Variants in MYLK observed in about 807,000 individuals in gnomAD.
MYLK encodes myosin light chain kinase, smooth muscle.
MYLK carries 106 observed loss-of-function variants against 203.4 expected under a neutral mutation model. The observed-to-expected ratio is 0.52, with a 90% CI of 0.45 to 0.61. The LOEUF (loss-of-function observed/expected upper bound fraction) is 0.61, where lower values mean the gene tolerates loss of function less well. Among genes scored for constraint, MYLK ranks in the 20% least tolerant of loss-of-function variants. MYLK has a pLI of 0.00. For missense variants in MYLK, 2,072 were observed against 2,442.3 expected, an observed-to-expected ratio of 0.85 and a Z score of 3.20; for synonymous variants, 867 against 959.5, an observed-to-expected ratio of 0.90 and a Z score of 1.78.
At chr3:123,620,813 A>G (rs1370397809) in intron 31 of MYLK, 1 of 203,326 alleles carries the variant, frequency 4.9e-6, no homozygotes, top group African/African-American at 2.3e-5. Context: ...TCATAATAAT[A>G]ATAACACAGC....
intron 12 of MYLK, among the ~76,000 whole-genome samples, chr3:123,725,408 A>T (rs1055908933): frequency 6.6e-6 from 1 of 152,240 alleles, no homozygotes; most frequent in African/African-American, 2.4e-5. Flanking sequence ...TACTTGACAA[A>T]AAAAAGAGTT....
intron 3 of MYLK, among the ~76,000 whole-genome samples, chr3:123,823,467 A>G (rs2066004885): frequency 6.6e-6 from 1 of 152,130 alleles, no homozygotes; most frequent in Non-Finnish European, 1.5e-5. Context: ...GCTCAGGCCC[A>G]GAATTCATCC....
chr3:123,687,728 G>A (rs768682993), intron 19 of MYLK, among the ~76,000 whole-genome samples: 3 of 150,012 alleles, frequency 2.0e-5, no homozygotes, highest in African/African-American at 4.9e-5. Flanking sequence ...CTGGAGTACC[G>A]TGGTACAATC....
At chr3:123,655,590 T>C (rs1425741364) in intron 24 of MYLK, among the ~76,000 whole-genome samples, 1 of 152,192 alleles carries the variant, frequency 6.6e-6, no homozygotes, top group Non-Finnish European at 1.5e-5. Flanking sequence ...CCCAGACTGT[T>C]ATGTAACCTC....
intron 2 of MYLK, among the ~76,000 whole-genome samples, chr3:123,854,878 T>A (rs1007380334): frequency 1.3e-5 from 2 of 152,330 alleles, no homozygotes; most frequent in African/African-American, 4.8e-5. Context: ...TATCTAGGTA[T>A]AGTATTTTAG....
intron 20 of MYLK, chr3:123,680,884 A>G (rs1400964116): frequency 6.6e-6 from 1 of 152,150 alleles, no homozygotes; most frequent in African/African-American, 2.4e-5. Flanking sequence ...GCAACTCTGC[A>G]CCCTCTGTTG....
At chr3:123,827,454 G>C (rs1432767494) in intron 3 of MYLK, among the ~76,000 whole-genome samples, 1 of 151,552 alleles carries the variant, frequency 6.6e-6, no homozygotes, top group East Asian at 1.9e-4. Flanking sequence ...ACTAACAGGA[G>C]ATTTCTCAAA....
intron 23 of MYLK, among the ~76,000 whole-genome samples, chr3:123,659,885 A>T (rs555878459): frequency 6.6e-6 from 1 of 152,344 alleles, no homozygotes; most frequent in South Asian, 2.1e-4. Flanking sequence ...AAGAGTCTCC[A>T]GTGGCACCAG....
intron 3 of MYLK, among the ~76,000 whole-genome samples, chr3:123,809,236 C>T (rs190882122): frequency 2.0e-5 from 3 of 152,216 alleles, no homozygotes; most frequent in African/African-American, 7.2e-5. Context: ...TAGAAGACCT[C>T]TAAGCAGGCC....
At chr3:123,752,571 T>C in intron 4 of MYLK, 33 bp from the exon 5 acceptor site, 2 of 1,580,244 alleles carry the variant, frequency 1.3e-6, no homozygotes, top group Non-Finnish European at 1.7e-6. Flanking sequence ...TAAGAGCCTG[T>C]ATTTCATGAG....
intron 2 of MYLK, among the ~76,000 whole-genome samples, chr3:123,871,920 A>G (rs1414736893): frequency 2.7e-5 from 2 of 75,188 alleles, no homozygotes; most frequent in African/African-American, 4.2e-5. Context: ...CCAGCAATAT[A>G]TAAAAAGATT....
intron 2 of MYLK, among the ~76,000 whole-genome samples, chr3:123,863,319 T>C (rs1414533349): frequency 6.8e-6 from 1 of 147,744 alleles, no homozygotes; most frequent in African/African-American, 2.5e-5. Flanking sequence ...CTTGGTAATT[T>C]TGGGGGTGGT....
rs369745532 is a variant in MYLK at position 123,839,171 on chromosome 3, A to G, written c.-126-7501T>C. On this transcript the variant is annotated intron_variant, in intron 2 of 33. Coordinates refer to ENST00000360304, the MANE Select transcript of MYLK (RefSeq NM_053025.4). ...AAAGAGGATAAAAGGGACAAGAAAAAGATGAAACAAAAAATATTTATGGTA... is the reference window on the plus strand; with the variant it reads ...AAAGAGGATAAAAGGGACAAGAAAAGGATGAAACAAAAAATATTTATGGTA... 1.7e-4 allele frequency among the ~76,000 whole-genome samples: 26 copies of G among 152,128 alleles called. No individual in the cohort carries two copies. The East Asian group carries it at 2.3e-3, about 14-fold the overall frequency.
Position 123,613,201 on chromosome 3 carries a change from G to GAT in MYLK, c.*902_*903dup, listed in dbSNP as rs1285171419. ...GAAATCTGTTTCATCGTGGCCAATA[G>GAT]ATAATTAAGACTAACTTTTCAGCAA... On this transcript the variant is annotated 3_prime_UTR_variant, in exon 34 of 34. Coordinates refer to ENST00000360304, the MANE Select transcript of MYLK (RefSeq NM_053025.4). 1 of 152,172 alleles carries GAT rather than the reference G, an allele frequency of 6.6e-6. No individual in the cohort carries two copies. The highest frequency in any genetic ancestry group is 1.5e-5 in the Non-Finnish European group (1 of 68,034). 9.4% of individuals were successfully genotyped at this position (152,172 alleles called of 1,614,324 possible).
Position 123,702,615 on chromosome 3 carries a change from G to A in MYLK, c.2391-1106C>T, listed in dbSNP as rs575201120. 9.9e-5 allele frequency among the ~76,000 whole-genome samples: 15 copies of A among 152,274 alleles called. No individual in the cohort carries two copies. The South Asian group carries it at 3.1e-3, about 32-fold the overall frequency. On this transcript the variant is annotated intron_variant, in intron 16 of 33. Transcript: ENST00000360304. ...GCTCTGTGACAGATTCTTTACATGA[G>A]CCATCTCATTTAATCTTAGAACAGC...
chr3:123,718,454 T>A (rs952791525), intron 13 of MYLK, among the ~76,000 whole-genome samples: 6 of 152,206 alleles, frequency 3.9e-5, no homozygotes, highest in South Asian at 2.1e-4. Context: ...TTTTCTCCTC[T>A]CCTCCAGAGG....
intron 20 of MYLK, among the ~76,000 whole-genome samples, chr3:123,673,154 T>C (rs2059967479): frequency 2.9e-5 from 2 of 68,670 alleles, no homozygotes; most frequent in Non-Finnish European, 6.9e-5. Context: ...TGTTCTTTTT[T>C]TCTTTTCTTT....
chr3:123,615,162 C>T (rs2057405072), intron 33 of MYLK, among the ~76,000 whole-genome samples: 2 of 149,282 alleles, frequency 1.3e-5, no homozygotes, highest in South Asian at 2.3e-4. Flanking sequence ...CATGGTGGCT[C>T]ATACCTGTAA....
chr3:123,678,119 C>T (rs1415753956), intron 20 of MYLK, among the ~76,000 whole-genome samples: 2 of 151,618 alleles, frequency 1.3e-5, no homozygotes, highest in African/African-American at 4.8e-5. Context: ...GAGTGAGACT[C>T]GGCTGAAGTG....
Sources: allele counts gnomAD v4.1 joint callset (sites outside exome capture counted in the v4.1 genomes callset), GRCh38; gene constraint gnomAD v4.1.1; transcripts MANE v1.5; gene names NCBI Gene and HGNC (gene_info 2026-07-23, HGNC 2026-07-21).